Variants in BCAS3 observed in about 807,000 individuals in gnomAD.
The protein encoded by BCAS3 is BCAS4/BCAS3 fusion.
Under a neutral mutation model 116.1 loss-of-function variants are expected in BCAS3, and 53 were observed. The ratio of observed to expected loss-of-function variants is 0.46; its 90% CI spans 0.37 to 0.57. BCAS3 has a LOEUF of 0.57. Ranked by LOEUF, BCAS3 falls within the 20% of genes least tolerant of loss-of-function variation. The probability of loss-of-function intolerance (pLI) is 0.00; values close to 1 mark genes in which losing one functional copy is unlikely to be tolerated. For synonymous variants in BCAS3, 391 were observed against 408.2 expected (o/e 0.96, Z 0.51); for missense variants, 917 against 1,165.4 (o/e 0.79, Z 3.10).
chr17:60,698,180 T>C (rs1598123995), intron 4 of BCAS3, among the ~76,000 whole-genome samples: 1 of 67,472 alleles, frequency 1.5e-5, no homozygotes. Flanking sequence ...AGACTCCGTC[T>C]CACAAAAAAA....
At chr17:60,976,406 T>C (rs1568012158) in intron 14 of BCAS3, among the ~76,000 whole-genome samples, 1 of 150,086 alleles carries the variant, frequency 6.7e-6, no homozygotes, top group Admixed American at 6.6e-5. Flanking sequence ...ATGGTAACTT[T>C]ATGTTAAACT....
In BCAS3 at chr17:60,962,739, A is replaced by G. The variant is rs2061470669; in HGVS notation, c.1221+15387A>G. 6.6e-6 allele frequency among the ~76,000 whole-genome samples: 1 copy of G among 152,132 alleles called. No individual in the cohort carries two copies. The highest frequency in any genetic ancestry group is 1.5e-5 in the Non-Finnish European group (1 of 68,014). ...TTCTTTTGCTGTGTAGAAGCTTCTT[A>G]GCTTCAGGTAATCCCATTTGTCTAT... On this transcript the variant is annotated intron_variant, in intron 14 of 23. Transcript: ENST00000407086. The surrounding 1 kb of genome is among the most constrained non-coding windows in gnomAD (Gnocchi z 4.4).
intron 5 of BCAS3, among the ~76,000 whole-genome samples, chr17:60,729,873 C>T (rs1045667826): frequency 2.0e-5 from 3 of 152,122 alleles, no homozygotes; most frequent in Non-Finnish European, 2.9e-5. Context: ...TTATGACAGC[C>T]GCTAGGCCGA....
At position 61,038,070 on chromosome 17, in the gene BCAS3, T is replaced by C. The variant is rs1173002097; in HGVS notation, c.1928+16T>C. 1 of 1,600,950 alleles carries C rather than the reference T, an allele frequency of 6.2e-7. No individual in the cohort carries two copies. The highest frequency in any genetic ancestry group is 8.5e-7 in the Non-Finnish European group (1 of 1,174,330). On this transcript the variant is annotated intron_variant, in intron 18 of 23. Transcript: ENST00000407086. Reference sequence around the variant, plus strand: ...CTCTGGTTAGGTAGTACCTCTTTTCTTTTTTTCTTTTTAACAGCTTCATTA... The same window carrying C: ...CTCTGGTTAGGTAGTACCTCTTTTCCTTTTTTCTTTTTAACAGCTTCATTA...
At chr17:61,223,979 C>T (rs894388914) in intron 22 of BCAS3, among the ~76,000 whole-genome samples, 1 of 152,138 alleles carries the variant, frequency 6.6e-6, no homozygotes, top group South Asian at 2.1e-4. Context: ...ATCATGTGCT[C>T]GCTTTTGGAT....
At chr17:61,322,836 GAGAGAGAGAGAGAGAGAGAC>G (rs2055388703) in intron 22 of BCAS3, among the ~76,000 whole-genome samples, 7 of 139,902 alleles carry the variant, frequency 5.0e-5, no homozygotes, top group Admixed American at 6.9e-5. Flanking sequence ...GAGACAGAGA[GAGAGAGAGAGAGAGAGAGAC>G]AGAGAGAGAG....
intron 22 of BCAS3, among the ~76,000 whole-genome samples, chr17:61,101,071 T>A (rs1240717141): frequency 6.6e-6 from 1 of 152,122 alleles, no homozygotes; most frequent in Non-Finnish European, 1.5e-5. Flanking sequence ...ACTATTTATA[T>A]TTATTCTTTT....
chr17:61,163,323 C>A (rs2078277090), intron 22 of BCAS3, among the ~76,000 whole-genome samples: 1 of 80,098 alleles, frequency 1.2e-5, no homozygotes, highest in African/African-American at 2.7e-5. Context: ...ACTGGGGAGG[C>A]TGAGGCAGGA....
In BCAS3 at chr17:61,034,521, C is replaced by A; in HGVS notation, c.1638-145C>A. The A allele has an allele frequency of 3.0e-6, 2 of 656,636 alleles. No homozygotes were observed. Among genetic ancestry groups the A allele is most frequent in the Non-Finnish European group, 4.9e-6 (2 of 409,928 alleles). The allele number at this position is 656,636 out of a possible 1,614,324, so 40.7% of individuals were successfully genotyped here. ...ACTTTTACTCCAGAACATAGTCTCACATCACCATTTATTACTTAAGGCAAA... is the reference window on the plus strand; with the variant it reads ...ACTTTTACTCCAGAACATAGTCTCAAATCACCATTTATTACTTAAGGCAAA... On this transcript the variant is annotated intron_variant, in intron 16 of 23. Coordinates refer to ENST00000407086, the MANE Select transcript of BCAS3 (RefSeq NM_017679.5). The surrounding 1 kb of genome is among the most constrained non-coding windows in gnomAD (Gnocchi z 5.0).
At chr17:60,899,680 T>C (rs571449682) in intron 10 of BCAS3, among the ~76,000 whole-genome samples, 4 of 152,208 alleles carry the variant, frequency 2.6e-5, no homozygotes, top group East Asian at 3.9e-4. Context: ...GTATTTTTCA[T>C]AGAGACAGGG....
intron 14 of BCAS3, among the ~76,000 whole-genome samples, chr17:60,954,076 A>G (rs188695439): frequency 1.3e-5 from 2 of 152,178 alleles, no homozygotes; most frequent in African/African-American, 2.4e-5. Context: ...AACCTTCTGC[A>G]CATGGCTAGC....
At chr17:60,998,455 A>G (rs770617380) in intron 15 of BCAS3, among the ~76,000 whole-genome samples, 3 of 152,160 alleles carry the variant, frequency 2.0e-5, no homozygotes, top group Non-Finnish European at 4.4e-5. Context: ...ACTAGTTTCC[A>G]TTTCCACCAA....
chr17:61,038,680 T>C (rs536676432), intron 18 of BCAS3, among the ~76,000 whole-genome samples: 1 of 119,664 alleles, frequency 8.4e-6, no homozygotes, highest in East Asian at 2.2e-4. Flanking sequence ...TTTTTTTTTT[T>C]TTTTTTTGGA....
intron 4 of BCAS3, among the ~76,000 whole-genome samples, chr17:60,691,976 C>A (rs1045016595): frequency 2.0e-4 from 30 of 151,030 alleles, no homozygotes; most frequent in African/African-American, 6.6e-4. Context: ...CAGTAAAGCC[C>A]CACCCAGAGT....
chr17:60,723,383 C>A (rs1014083412), intron 5 of BCAS3, among the ~76,000 whole-genome samples: 2 of 152,020 alleles, frequency 1.3e-5, no homozygotes, highest in African/African-American at 4.8e-5. Context: ...CACCACCATG[C>A]CAAGGTAATT....
chr17:60,694,904 C>T (rs1038429409), intron 4 of BCAS3, among the ~76,000 whole-genome samples: 7 of 152,146 alleles, frequency 4.6e-5, no homozygotes, highest in Non-Finnish European at 4.4e-5. Flanking sequence ...TCTCTACCTC[C>T]TCCCAGCCCC....
intron 22 of BCAS3, among the ~76,000 whole-genome samples, chr17:61,290,529 T>C (rs573854503): frequency 6.6e-6 from 1 of 152,316 alleles, no homozygotes; most frequent in African/African-American, 2.4e-5. Context: ...AGCTAAAATA[T>C]TAAATCACCA....
chr17:61,305,515 C>A (rs762211112), intron 22 of BCAS3, among the ~76,000 whole-genome samples: 1 of 152,176 alleles, frequency 6.6e-6, no homozygotes, highest in East Asian at 1.9e-4. Context: ...TGTGCATAAT[C>A]GTTTACACTG....
intron 22 of BCAS3, among the ~76,000 whole-genome samples, chr17:61,263,486 T>C (rs1945871838): frequency 6.6e-6 from 1 of 152,220 alleles, no homozygotes; most frequent in African/African-American, 2.4e-5. Context: ...AGAGACCCAG[T>C]CGATGCTGCC....
Sources: allele counts gnomAD v4.1 joint callset (sites outside exome capture counted in the v4.1 genomes callset), GRCh38; gene constraint gnomAD v4.1.1; non-coding constraint Gnocchi (gnomAD v3.1); transcripts MANE v1.5; gene names NCBI Gene and HGNC (gene_info 2026-07-23, HGNC 2026-07-21).